Variants in KCNK2 observed in about 807,000 individuals in gnomAD.
KCNK2 encodes the protein potassium channel subfamily K member 2.
A neutral mutation model predicts 40.5 loss-of-function variants in KCNK2; 21 were observed. The ratio of observed to expected loss-of-function variants is 0.52; its 90% confidence interval spans 0.37 to 0.75. The LOEUF (loss-of-function observed/expected upper bound fraction) is 0.75. Among genes scored for constraint, KCNK2 ranks in the 30% least tolerant of loss-of-function variants. The probability of loss-of-function intolerance (pLI) is 0.00; values close to 1 mark genes in which losing one functional copy is unlikely to be tolerated. For missense variants in KCNK2, 399 were observed against 531.6 expected, an observed-to-expected ratio of 0.75 and a Z score of 2.45; for synonymous variants, 191 against 202.2, an observed-to-expected ratio of 0.94 and a Z score of 0.47.
intron 3 of KCNK2, among the ~76,000 whole-genome samples, chr1:215,129,504 A>G (rs1444983260): frequency 6.6e-6 from 1 of 152,210 alleles, no homozygotes; most frequent in Non-Finnish European, 1.5e-5. Flanking sequence ...GAGGTGTTCT[A>G]AAGAGGCTGA....
At chr1:215,207,054 T>A (rs1665342945) in intron 6 of KCNK2, among the ~76,000 whole-genome samples, 1 of 152,178 alleles carries the variant, frequency 6.6e-6, no homozygotes, top group Admixed American at 6.5e-5. Flanking sequence ...CCCTGTGGTA[T>A]AGAGGCCACA....
chr1:215,161,483 A>G (rs1663192059), intron 3 of KCNK2, among the ~76,000 whole-genome samples: 1 of 151,724 alleles, frequency 6.6e-6, no homozygotes, highest in East Asian at 1.9e-4. Flanking sequence ...GATTTGTTAC[A>G]TAGGTATACA....
chr1:215,196,464 A>C (rs1375900095), intron 6 of KCNK2, among the ~76,000 whole-genome samples: 1 of 152,174 alleles, frequency 6.6e-6, no homozygotes, highest in Non-Finnish European at 1.5e-5. Context: ...ACTTTACTTC[A>C]AGGATACCAT....
chr1:215,044,351 C>T (rs1487387411), intron 1 of KCNK2, among the ~76,000 whole-genome samples: 1 of 151,962 alleles, frequency 6.6e-6, no homozygotes, highest in Non-Finnish European at 1.5e-5. Context: ...TTTTATTTAG[C>T]CCAGACTTTC....
At chr1:215,162,066 C>T (rs562074832) in intron 3 of KCNK2, among the ~76,000 whole-genome samples, 18 of 152,306 alleles carry the variant, frequency 1.2e-4, no homozygotes, top group African/African-American at 4.1e-4. Flanking sequence ...ATTCCTATTT[C>T]TCCACAGCCT....
intron 2 of KCNK2, among the ~76,000 whole-genome samples, chr1:215,095,497 T>C (rs999525821): frequency 6.6e-6 from 1 of 152,114 alleles, no homozygotes; most frequent in African/African-American, 2.4e-5. Flanking sequence ...TTGAGGCACA[T>C]ATTGTTTAAC....
At chr1:215,132,970 G>C (rs1661741741) in intron 3 of KCNK2, among the ~76,000 whole-genome samples, 1 of 152,204 alleles carries the variant, frequency 6.6e-6, no homozygotes, top group Non-Finnish European at 1.5e-5. Context: ...TGTGCTAGCT[G>C]TAAAGGGATT....
chr1:215,102,579 A>G (rs188410516), intron 2 of KCNK2, among the ~76,000 whole-genome samples: 16 of 152,152 alleles, frequency 1.1e-4, no homozygotes, highest in African/African-American at 3.8e-4. Context: ...CATAGTGTTT[A>G]TGAAGTCTGC....
upstream of KCNK2, among the ~76,000 whole-genome samples, chr1:215,081,238 C>A (rs1367253718): frequency 2.6e-5 from 4 of 151,118 alleles, no homozygotes; most frequent in East Asian, 2.0e-4. Context: ...TGATAAAATA[C>A]CTTAGTCATG....
At chr1:215,145,719 T>C (rs1662386244) in intron 3 of KCNK2, among the ~76,000 whole-genome samples, 1 of 152,192 alleles carries the variant, frequency 6.6e-6, no homozygotes, top group African/African-American at 2.4e-5. Flanking sequence ...CAAATTATAT[T>C]GGAAAAGTCT....
intron 1 of KCNK2, among the ~76,000 whole-genome samples, chr1:215,013,962 T>C (rs775988714): frequency 2.0e-5 from 3 of 152,174 alleles, no homozygotes; most frequent in Non-Finnish European, 4.4e-5. Flanking sequence ...AAATAGGAGT[T>C]GTGGGAGCAA....
chr1:215,026,395 T>A (rs1432205193), intron 1 of KCNK2, among the ~76,000 whole-genome samples: 1 of 152,064 alleles, frequency 6.6e-6, no homozygotes. Context: ...AACAGTAATA[T>A]CATATTATTT....
At chr1:215,076,883 C>T (rs1658961856) in intron 1 of KCNK2, among the ~76,000 whole-genome samples, 1 of 152,172 alleles carries the variant, frequency 6.6e-6, no homozygotes, top group South Asian at 2.1e-4. Context: ...TCAGACATCT[C>T]AACACTAACT....
intron 6 of KCNK2, among the ~76,000 whole-genome samples, chr1:215,196,007 A>C (rs1664848730): frequency 6.6e-6 from 1 of 152,194 alleles, no homozygotes; most frequent in Non-Finnish European, 1.5e-5. Context: ...TATACACCCA[A>C]AAGAAATAGA....
At chr1:215,010,047 C>T (rs1010445188) in intron 1 of KCNK2, among the ~76,000 whole-genome samples, 6 of 152,082 alleles carry the variant, frequency 3.9e-5, no homozygotes, top group African/African-American at 1.4e-4. Flanking sequence ...CTTCACAGTT[C>T]CTCAAAAGCT....
chr1:215,123,970 T>C (rs913438359), intron 2 of KCNK2, among the ~76,000 whole-genome samples: 2 of 152,190 alleles, frequency 1.3e-5, no homozygotes, highest in African/African-American at 4.8e-5. Context: ...ATCTTAGTGG[T>C]CTCTATGTAA....
chr1:215,144,796 C>T (rs766895775), intron 3 of KCNK2, among the ~76,000 whole-genome samples: 3 of 152,074 alleles, frequency 2.0e-5, no homozygotes, highest in Non-Finnish European at 2.9e-5. Context: ...AAGATACGGT[C>T]GAGCAATTCT....
At chr1:215,189,009 C>T (rs901386680) in intron 5 of KCNK2, among the ~76,000 whole-genome samples, 9 of 152,156 alleles carry the variant, frequency 5.9e-5, no homozygotes, top group Non-Finnish European at 1.0e-4. Flanking sequence ...AATCCAGGAG[C>T]AACAACTAAG....
intron 1 of KCNK2, among the ~76,000 whole-genome samples, chr1:215,074,891 C>T (rs371444209): frequency 6.6e-5 from 10 of 151,958 alleles, no homozygotes; most frequent in African/African-American, 1.7e-4. Context: ...AATTTCCTCC[C>T]GAAAATGGAG....
Sources: gnomAD v4.1 joint callset for allele counts (sites outside exome capture counted in the v4.1 genomes callset) on GRCh38, gnomAD v4.1.1 for gene constraint, MANE v1.5 for transcripts, NCBI Gene and HGNC (gene_info 2026-07-23, HGNC 2026-07-21) for gene names.